GAS7: variants seen among roughly 807,000 people sequenced by gnomAD.
GAS7 encodes the protein growth arrest specific 7.
GAS7 carries 28 observed loss-of-function variants against 71.1 expected under a neutral mutation model. The observed-to-expected ratio is 0.39, with a 90% CI of 0.29 to 0.54. The LOEUF (loss-of-function observed/expected upper bound fraction) is 0.54. GAS7 is among the 20% of genes least tolerant of loss of function. The pLI is 0.62. For missense variants in GAS7, 436 were observed against 627.8 expected, an observed-to-expected ratio of 0.69 and a Z score of 3.27; for synonymous variants, 258 against 245.8, an observed-to-expected ratio of 1.05 and a Z score of -0.46.
chr17:10,198,079 C>T (rs1198767041), intron 1 of GAS7, 129 bp downstream of exon 1: 9 of 824,560 alleles, frequency 1.1e-5, no homozygotes, highest in Non-Finnish European at 1.7e-5. Context: ...CAGGTAGCGC[C>T]GGCAAGGGCT....
intron 11 of GAS7, among the ~76,000 whole-genome samples, chr17:9,920,005 GTGTGTGTGTGTC>G (rs2067744342): frequency 7.0e-6 from 1 of 143,042 alleles, no homozygotes; most frequent in African/African-American, 2.8e-5. Context: ...GTGTGTGTGT[GTGTGTGTGTGTC>G]TAGGGTATTC....
At chr17:9,940,549 G>A (rs1211900443) in intron 7 of GAS7, among the ~76,000 whole-genome samples, 3 of 152,086 alleles carry the variant, frequency 2.0e-5, no homozygotes, top group African/African-American at 4.8e-5. Flanking sequence ...AGAAATGAAC[G>A]TTTGCAACTC....
At chr17:10,030,781 G>A (rs564579912) in intron 1 of GAS7, among the ~76,000 whole-genome samples, 1 of 152,274 alleles carries the variant, frequency 6.6e-6, no homozygotes, top group South Asian at 2.1e-4. Context: ...GTAGATAGAT[G>A]AATGGGGTGA....
At chr17:10,142,195 G>A (rs557885751) in intron 1 of GAS7, among the ~76,000 whole-genome samples, 5 of 138,444 alleles carry the variant, frequency 3.6e-5, no homozygotes, top group South Asian at 2.4e-4. Flanking sequence ...CGGCCTGGGC[G>A]ACACAGCGAG....
chr17:9,945,423 C>T lies in GAS7; in HGVS notation c.615+1471G>A, dbSNP rs1471791542. Among the ~76,000 whole-genome samples the T allele has an allele frequency of 5.9e-5, 9 of 151,974 alleles. 1 individual carries two copies. Among genetic ancestry groups the T allele is most frequent in the South Asian group, 2.1e-4 (1 of 4,810 alleles). ...TACGCACTCTGATGCTTGCTTACCC[C>T]GATGCTTGCTTACCCCGCCCTCTGA... On this transcript the variant is annotated intron_variant, in intron 6 of 13. Coordinates refer to ENST00000432992, the MANE Select transcript of GAS7 (RefSeq NM_201433.2).
Position 9,991,287 on chromosome 17 carries a change from C to T in GAS7, c.305-9403G>A, listed in dbSNP as rs75296626. Among the ~76,000 whole-genome samples the T allele has an allele frequency of 4.9e-3, 748 of 152,254 alleles. 1 individual carries two copies. The highest frequency in any genetic ancestry group is 8.1e-3 in the Non-Finnish European group (553 of 68,000). ...GGCTAGAATGCCTTCTTTAGCATTG[C>T]TGCAGTGTCAGGCTATCCCTTAGTT... is the stretch of plus-strand genomic sequence containing the variant. On this transcript the variant is annotated intron_variant, in intron 2 of 13. Coordinates refer to ENST00000432992, the MANE Select transcript of GAS7 (RefSeq NM_201433.2).
intron 1 of GAS7, among the ~76,000 whole-genome samples, chr17:10,159,067 T>TATATATATATAC (rs2074229611): frequency 6.8e-5 from 4 of 58,554 alleles, no homozygotes; most frequent in African/African-American, 2.4e-4. Context: ...CTCTAAAACA[T>TATATATATATAC]ATATATATAT....
At chr17:10,009,218 G>C (rs2071659830) in intron 2 of GAS7, among the ~76,000 whole-genome samples, 1 of 150,080 alleles carries the variant, frequency 6.7e-6, no homozygotes, top group South Asian at 2.1e-4. Context: ...CTACTTGGGA[G>C]GCTGAGGCAG....
intron 1 of GAS7, among the ~76,000 whole-genome samples, chr17:10,178,702 C>CT (rs397857157): frequency 0.13 from 4,498 of 34,206 alleles, 1,590 homozygotes; most frequent in Non-Finnish European, 0.16. Context: ...CCCCCACCAC[C>CT]TTTTTTTTTT....
At position 10,107,835 on chromosome 17, in the gene GAS7, G is replaced by T. The variant is rs144098053; in HGVS notation, c.184-87938C>A. Among the ~76,000 whole-genome samples, 174 of 151,816 alleles carry T rather than the reference G, an allele frequency of 1.1e-3. 3 individuals carry two copies. In the East Asian group the frequency reaches 0.03, roughly 26 times the overall value. On this transcript the variant is annotated intron_variant, in intron 1 of 13. Coordinates refer to ENST00000432992, the MANE Select transcript of GAS7 (RefSeq NM_201433.2). ...CCGCCTTACACACAGTCCAGTAGGG[G>T]ACTGGGTAGGAGAACCACCTTACAC...
intron 4 of GAS7, among the ~76,000 whole-genome samples, chr17:9,961,619 G>A (rs1327057432): frequency 1.3e-5 from 2 of 152,212 alleles, no homozygotes; most frequent in East Asian, 3.8e-4. Flanking sequence ...GCTAAGGGGA[G>A]AAGCAGTGCA....
intron 1 of GAS7, among the ~76,000 whole-genome samples, chr17:10,085,691 C>CAAAAAAAA (rs1194345705): frequency 3.4e-5 from 2 of 58,204 alleles, no homozygotes; most frequent in African/African-American, 6.8e-5. Flanking sequence ...GATTCCGTCT[C>CAAAAAAAA]AAAAAAAAAA....
chr17:9,934,448 C>T (rs1191295804), intron 8 of GAS7, among the ~76,000 whole-genome samples: 1 of 152,100 alleles, frequency 6.6e-6, no homozygotes, highest in Non-Finnish European at 1.5e-5. Context: ...CAAGTGAGCT[C>T]ACCTTACCTC....
chr17:9,940,876 T>C (rs983405852), intron 7 of GAS7, among the ~76,000 whole-genome samples: 1 of 152,218 alleles, frequency 6.6e-6, no homozygotes, highest in Non-Finnish European at 1.5e-5. Context: ...ATGTTAAGCA[T>C]GTTGTCAGAG....
Position 10,103,155 on chromosome 17 carries a change from C to T in GAS7, c.184-83258G>A, listed in dbSNP as rs1171501910. 6.6e-6 allele frequency among the ~76,000 whole-genome samples: 1 copy of T among 151,864 alleles called. No homozygotes were observed. The highest frequency in any genetic ancestry group is 6.6e-5 in the Admixed American group (1 of 15,250). On this transcript the variant is annotated intron_variant, in intron 1 of 13. Coordinates refer to ENST00000432992, the MANE Select transcript of GAS7 (RefSeq NM_201433.2). This position sits in a 1 kb window ranked among gnomAD's most constrained non-coding sequence, Gnocchi z 5.5. ...TTGCTAAGAGCCCAGGAGTTTGAGA[C>T]CAGCCTGGGCAATATGGCAAAACCC...
intron 1 of GAS7, among the ~76,000 whole-genome samples, chr17:10,038,281 G>A (rs762184497): frequency 6.6e-6 from 1 of 152,024 alleles, no homozygotes; most frequent in African/African-American, 2.4e-5. Context: ...TCCAGGAGGC[G>A]GAGGGTGCAG....
At chr17:9,996,221 C>T (rs2071035762) in intron 2 of GAS7, among the ~76,000 whole-genome samples, 1 of 152,094 alleles carries the variant, frequency 6.6e-6, no homozygotes, top group South Asian at 2.1e-4. Context: ...CACATATACA[C>T]CATGGAATAC....
rs1169635855 is a variant in GAS7 at position 9,969,438 on chromosome 17, C to A, written c.471+239G>T. Among the ~76,000 whole-genome samples the A allele has an allele frequency of 6.6e-6, 1 of 152,064 alleles. No individual in the cohort carries two copies. Among genetic ancestry groups the A allele is most frequent in the Non-Finnish European group, 1.5e-5 (1 of 68,004 alleles). On this transcript the variant is annotated intron_variant, in intron 4 of 13. Coordinates refer to ENST00000432992, the MANE Select transcript of GAS7 (RefSeq NM_201433.2). This position sits in a 1 kb window ranked among gnomAD's most constrained non-coding sequence, Gnocchi z 5.5. The stretch of plus-strand genomic sequence containing the variant: ...AACTCTCTGTCCTAATGGTTTCAAC[C>A]CCATCACCGTCAACCCCTCCTCCAA...
chr17:10,085,175 C>T (rs2073503387), intron 1 of GAS7, among the ~76,000 whole-genome samples: 1 of 152,202 alleles, frequency 6.6e-6, no homozygotes, highest in African/African-American at 2.4e-5. Flanking sequence ...ATAAATTCCA[C>T]TTGGCTTACA....
Sources: allele counts gnomAD v4.1 joint callset (sites outside exome capture counted in the v4.1 genomes callset), GRCh38; gene constraint gnomAD v4.1.1; non-coding constraint Gnocchi (gnomAD v3.1); transcripts MANE v1.5; gene names NCBI Gene and HGNC (gene_info 2026-07-23, HGNC 2026-07-21).